DYNC2H1: variants seen among roughly 807,000 people sequenced by gnomAD.
DYNC2H1 encodes dynein cytoplasmic 2 heavy chain 1.
DYNC2H1 carries 410 observed loss-of-function variants against 570.0 expected under a neutral mutation model. That is an observed-to-expected ratio of 0.72 (90% CI 0.66 to 0.78). The LOEUF (loss-of-function observed/expected upper bound fraction) is 0.78, where lower values mean the gene tolerates loss of function less well. Ranked by LOEUF, DYNC2H1 falls within the 30% of genes least tolerant of loss-of-function variation. The pLI is 0.00. For synonymous variants in DYNC2H1, 1,688 were observed against 1,677.6 expected, an observed-to-expected ratio of 1.01 and a Z score of -0.15; for missense variants, 4,865 against 5,046.4, an observed-to-expected ratio of 0.96 and a Z score of 1.09.
chr11:103,403,958 T>A (rs1314859188), intron 84 of DYNC2H1: 1 of 151,984 alleles, frequency 6.6e-6, no homozygotes, highest in Non-Finnish European at 1.5e-5. Flanking sequence ...ATTAAGATAA[T>A]GGCAGGTGAG....
chr11:103,469,285 T>C (rs1945294097), intron 88 of DYNC2H1, among the ~76,000 whole-genome samples: 1 of 152,228 alleles, frequency 6.6e-6, no homozygotes, highest in Non-Finnish European at 1.5e-5. Flanking sequence ...AAAACCATTA[T>C]TGAAAAAACT....
Position 103,479,827 on chromosome 11 carries a change from GA to G in DYNC2H1, c.*575del, listed in dbSNP as rs1234510543. On this transcript the variant is annotated 3_prime_UTR_variant, in exon 89 of 89. Transcript: ENST00000375735. Reference sequence around the variant, plus strand: ...TAATTCAGGTGACATAATAATGGAGGATAAATTCTGGTTATTAAACATTCAG... The same window carrying G: ...TAATTCAGGTGACATAATAATGGAGGTAAATTCTGGTTATTAAACATTCAG... 1 of 151,968 alleles carries G rather than the reference GA, an allele frequency of 6.6e-6. No individual in the cohort carries two copies. Among genetic ancestry groups the G allele is most frequent in the Non-Finnish European group, 1.5e-5 (1 of 67,996 alleles). The allele number at this position is 151,968 out of a possible 1,614,324, so 9.4% of individuals were successfully genotyped here.
chr11:103,112,128 G>A (rs1009404587), intron 1 of DYNC2H1, among the ~76,000 whole-genome samples: 1 of 152,150 alleles, frequency 6.6e-6, no homozygotes, highest in Non-Finnish European at 1.5e-5. Context: ...TGAATGATGA[G>A]TTGCAGGCAG....
At chr11:103,401,252 A>G (rs1344290466) in intron 84 of DYNC2H1, among the ~76,000 whole-genome samples, 3 of 152,192 alleles carry the variant, frequency 2.0e-5, no homozygotes, top group African/African-American at 7.2e-5. Flanking sequence ...TAATAAATGT[A>G]AATGCTTCAA....
intron 60 of DYNC2H1, among the ~76,000 whole-genome samples, chr11:103,232,523 T>C (rs1334945764): frequency 2.0e-5 from 3 of 151,998 alleles, no homozygotes; most frequent in Non-Finnish European, 2.9e-5. Flanking sequence ...AGAGTCATTG[T>C]TGAGAATGAA....
chr11:103,351,021 C>A (rs1940027098), intron 82 of DYNC2H1, among the ~76,000 whole-genome samples: 1 of 152,138 alleles, frequency 6.6e-6, no homozygotes, highest in Non-Finnish European at 1.5e-5. Context: ...TTAGTCTTCA[C>A]TTTACAGCAA....
chr11:103,209,808 ATTAAAGGT>A lies in DYNC2H1; in HGVS notation c.8455-65_8455-58del. 1.6e-6 allele frequency: 2 copies of A among 1,241,750 alleles called. No homozygotes were observed. Among genetic ancestry groups the A allele is most frequent in the South Asian group, 3.8e-5 (2 of 52,696 alleles). 76.9% of individuals were successfully genotyped at this position (1,241,750 alleles called of 1,614,324 possible). A position where few individuals can be genotyped will look rare whatever the true frequency, so the allele number is the denominator to read the frequency against. On this transcript the variant is annotated intron_variant, in intron 52 of 88. Coordinates refer to ENST00000375735, the MANE Select transcript of DYNC2H1 (RefSeq NM_001377.3). This position sits in a 1 kb window ranked among gnomAD's most constrained non-coding sequence, Gnocchi z 4.2. Reference sequence around the variant, plus strand: ...TACAATCAATACTGACTTTTTTTGTATTAAAGGTTTTTAACTTATGATATGGGACTTAT... The same window carrying A: ...TACAATCAATACTGACTTTTTTTGTATTTTAACTTATGATATGGGACTTAT...
chr11:103,220,521 A>G (rs1863545755), intron 56 of DYNC2H1, 102 bp from the exon 57 acceptor site: 4 of 1,157,232 alleles, frequency 3.5e-6, no homozygotes, highest in African/African-American at 1.6e-5. Context: ...ATTAGTAACT[A>G]TAGTCATTTT....
intron 47 of DYNC2H1, among the ~76,000 whole-genome samples, chr11:103,196,129 G>C (rs1205520762): frequency 6.6e-6 from 1 of 152,134 alleles, no homozygotes; most frequent in Non-Finnish European, 1.5e-5. Flanking sequence ...AGCTATATGG[G>C]ATATTGCAGT....
Position 103,134,423 on chromosome 11 carries a change from GA to G in DYNC2H1, c.2205+5del. 1 of 1,605,180 alleles carries G rather than the reference GA, an allele frequency of 6.2e-7. No individual in the cohort carries two copies. On this transcript the variant is annotated splice_donor_5th_base_variant and intron_variant, in intron 15 of 88. Transcript: ENST00000375735. ...CTTAGCAACTGTAGAAGCACAGGTA[GA>G]GTATGTTTTATTTTGTGTGTATACT...
chr11:103,356,197 A>G (rs1565522970), intron 82 of DYNC2H1, among the ~76,000 whole-genome samples: 1 of 152,166 alleles, frequency 6.6e-6, no homozygotes, highest in African/African-American at 2.4e-5. Flanking sequence ...TGAAAAATAG[A>G]TATTTTATTA....
rs1039931823 is a variant in DYNC2H1 at position 103,148,649 on chromosome 11, A to G, written c.2946+32A>G. 4.6e-6 allele frequency: 7 copies of G among 1,536,122 alleles called. No homozygotes were observed. In the Admixed American group the frequency reaches 1.5e-4, roughly 32 times the overall value. On this transcript the variant is annotated intron_variant, in intron 20 of 88. Transcript: ENST00000375735. ...ATCACAAAGTAAAATTATTATTATT[A>G]CTTTTTACTGCATGGAAAATGTTTA...
intron 87 of DYNC2H1, among the ~76,000 whole-genome samples, chr11:103,460,538 GA>G (rs1291208178): frequency 1.3e-5 from 2 of 150,946 alleles, no homozygotes; most frequent in Non-Finnish European, 2.9e-5. Flanking sequence ...ATTAGTATCT[GA>G]AAAAGAGCTA....
In DYNC2H1 at chr11:103,285,897, A is replaced by G. The variant is rs1397965740; in HGVS notation, c.10891-358A>G. Among the ~76,000 whole-genome samples, 3 of 152,206 alleles carry G rather than the reference A, an allele frequency of 2.0e-5. No homozygotes were observed. The East Asian group carries it at 5.8e-4, about 29-fold the overall frequency. ...TTTGACAAAGAGAGTCTTTGTTAAT[A>G]TGAAATTTGACATACTTAACTTGAC... On this transcript the variant is annotated intron_variant, in intron 73 of 88. Coordinates refer to ENST00000375735, the MANE Select transcript of DYNC2H1 (RefSeq NM_001377.3).
intron 85 of DYNC2H1, among the ~76,000 whole-genome samples, chr11:103,452,486 C>A (rs1032636511): frequency 2.6e-5 from 4 of 151,792 alleles, no homozygotes; most frequent in Admixed American, 1.3e-4. Context: ...GGATTAGCCT[C>A]TGACTTCTAT....
At chr11:103,335,189 G>A (rs1321344041) in intron 82 of DYNC2H1, among the ~76,000 whole-genome samples, 7 of 150,746 alleles carry the variant, frequency 4.6e-5, no homozygotes, top group African/African-American at 1.2e-4. Context: ...ATTTGTTTCT[G>A]TAGGTCAGTG....
At chr11:103,237,233 T>C (rs1392681965) in intron 63 of DYNC2H1, among the ~76,000 whole-genome samples, 1 of 152,012 alleles carries the variant, frequency 6.6e-6, no homozygotes, top group Non-Finnish European at 1.5e-5. Context: ...ATAATAAATA[T>C]TAGTATTCCT....
intron 82 of DYNC2H1, among the ~76,000 whole-genome samples, chr11:103,347,713 TTGTC>T (rs1398012335): frequency 3.3e-5 from 5 of 152,216 alleles, no homozygotes; most frequent in Non-Finnish European, 7.3e-5. Context: ...GTTCTTGACC[TTGTC>T]ACCCACCTTT....
At chr11:103,389,830 G>T (rs1274571893) in intron 83 of DYNC2H1, among the ~76,000 whole-genome samples, 2 of 152,066 alleles carry the variant, frequency 1.3e-5, no homozygotes, top group African/African-American at 2.4e-5. Context: ...TTAATCCTGA[G>T]TTCTAGTTTG....
Sources: allele counts gnomAD v4.1 joint callset (sites outside exome capture counted in the v4.1 genomes callset), GRCh38; gene constraint gnomAD v4.1.1; non-coding constraint Gnocchi (gnomAD v3.1); transcripts MANE v1.5; gene names NCBI Gene and HGNC (gene_info 2026-07-23, HGNC 2026-07-21).